SUSD5: variants seen among roughly 807,000 people sequenced by gnomAD.
The protein encoded by SUSD5 is sushi domain-containing protein 5.
Under a neutral mutation model 29.5 loss-of-function variants are expected in SUSD5, and 33 were observed. That is an observed-to-expected ratio of 1.12 (90% confidence interval 0.85 to 1.49). The LOEUF (loss-of-function observed/expected upper bound fraction) is 1.49, where lower values mean the gene tolerates loss of function less well. Ranked by LOEUF, SUSD5 falls within the 40% of genes most tolerant of loss-of-function variation. SUSD5 has a pLI of 0.00. For missense variants in SUSD5, 776 were observed against 800.6 expected (o/e 0.97, Z 0.37); for synonymous variants, 308 against 325.3 (o/e 0.95, Z 0.57).
chr3:33,167,000 G>A (rs1403304920), intron 4 of SUSD5, among the ~76,000 whole-genome samples: 3 of 152,034 alleles, frequency 2.0e-5, no homozygotes, highest in Non-Finnish European at 2.9e-5. Flanking sequence ...CCAACATGGC[G>A]AAACCCTGTC....
At chr3:33,162,454 AAAAC>A (rs2125615853) in intron 4 of SUSD5, among the ~76,000 whole-genome samples, 1 of 152,316 alleles carries the variant, frequency 6.6e-6, no homozygotes, top group South Asian at 2.1e-4. Context: ...AAATAAATAA[AAAAC>A]AAACACACAA....
At chr3:33,172,524 A>G (rs1040231976) in intron 4 of SUSD5, among the ~76,000 whole-genome samples, 1 of 152,206 alleles carries the variant, frequency 6.6e-6, no homozygotes, top group African/African-American at 2.4e-5. Context: ...TCAAGGCGAC[A>G]TATTGGACCA....
chr3:33,154,913 AAAGTTTATGGAAATGCAATGGATGG>A (rs1262892439), intron 4 of SUSD5, among the ~76,000 whole-genome samples: 1 of 152,248 alleles, frequency 6.6e-6, no homozygotes, highest in Admixed American at 6.5e-5. Flanking sequence ...ACTGAATGTT[AAAGTTTATGGAAATGCAATGGATGG>A]AAGTTTATGG....
intron 3 of SUSD5, 138 bp from the exon 4 acceptor site, chr3:33,175,212 C>G (rs1575533140): frequency 1.1e-6 from 1 of 906,918 alleles, no homozygotes; most frequent in East Asian, 2.7e-5. Context: ...GTTTCTTGGT[C>G]ACCCTGGCAA....
chr3:33,150,858 A>G lies in SUSD5; in HGVS notation c.*1884T>C, dbSNP rs777154528. 6.6e-6 allele frequency: 1 copy of G among 152,222 alleles called. No individual in the cohort carries two copies. Among genetic ancestry groups the G allele is most frequent in the Non-Finnish European group, 1.5e-5 (1 of 68,036 alleles). The allele number at this position is 152,222 out of a possible 1,614,324, so 9.4% of individuals were successfully genotyped here. A position where few individuals can be genotyped will look rare whatever the true frequency, so the allele number is the denominator to read the frequency against. On this transcript the variant is annotated 3_prime_UTR_variant, in exon 5 of 5. Transcript: ENST00000309558. ...ATCAGGATTTCCCTCTACCACACAA[A>G]AACACTTAGACTGCTATGGTGTCTC...
At chr3:33,193,750 T>A (rs2031942916) in intron 3 of SUSD5, among the ~76,000 whole-genome samples, 2 of 152,188 alleles carry the variant, frequency 1.3e-5, no homozygotes, top group South Asian at 4.1e-4. Context: ...AAATCTGATC[T>A]AACCGACTCC....
intron 3 of SUSD5, among the ~76,000 whole-genome samples, chr3:33,196,981 G>C (rs2032008062): frequency 1.3e-5 from 2 of 152,130 alleles, no homozygotes; most frequent in Non-Finnish European, 2.9e-5. Flanking sequence ...GTAAAATTTG[G>C]ATAATAGTAA....
chr3:33,174,218 C>T (rs952505194), intron 4 of SUSD5, among the ~76,000 whole-genome samples: 1 of 152,158 alleles, frequency 6.6e-6, no homozygotes, highest in African/African-American at 2.4e-5. Context: ...GGGAATAGCC[C>T]TTGCAGCAGT....
At chr3:33,209,848 C>T (rs772149038) in intron 2 of SUSD5, among the ~76,000 whole-genome samples, 1 of 152,036 alleles carries the variant, frequency 6.6e-6, no homozygotes, top group African/African-American at 2.4e-5. Flanking sequence ...TTAGGTCTAT[C>T]CATTAAGTTC....
intron 2 of SUSD5, among the ~76,000 whole-genome samples, chr3:33,212,108 A>G (rs1416444442): frequency 6.6e-6 from 1 of 152,206 alleles, no homozygotes; most frequent in African/African-American, 2.4e-5. Flanking sequence ...TGTTCCCAGC[A>G]AAAAATAAAT....
chr3:33,206,026 G>C (rs990156522), intron 3 of SUSD5, among the ~76,000 whole-genome samples: 2 of 152,022 alleles, frequency 1.3e-5, no homozygotes, highest in Non-Finnish European at 2.9e-5. Context: ...TTTTCTTCTG[G>C]CTCTGTCCTG....
rs369555921 is a variant in SUSD5 at position 33,152,847 on chromosome 3, C to G, written c.1785G>C (p.Val595=). 5 of 1,613,912 alleles carry G rather than the reference C, an allele frequency of 3.1e-6. No individual in the cohort carries two copies. The highest frequency in any genetic ancestry group is 2.2e-5 in the South Asian group (2 of 91,088). The change falls in exon 5 of 5, where the codon GTG becomes GTC. Residue 595 remains valine (V), a synonymous_variant. Transcript: ENST00000309558. The stretch of plus-strand genomic sequence containing the variant: ...TGTGCTGGCACTTGCGGTAGCCCCA[C>G]ACCATCCCCACACCTGCCAGGAGCA... ...LLLLLAGVGM[V]WGYRKCQHKS...
rs1403001029 is a variant in SUSD5, at chr3:33,152,635, AATG to A, written c.*104_*106del. 3.8e-5 allele frequency: 48 copies of A among 1,267,856 alleles called. No individual in the cohort carries two copies. Among genetic ancestry groups the A allele is most frequent in the Non-Finnish European group, 4.7e-5 (44 of 930,766 alleles). 78.5% of individuals were successfully genotyped at this position (1,267,856 alleles called of 1,614,324 possible). A position where few individuals can be genotyped will look rare whatever the true frequency, so the allele number is the denominator to read the frequency against. ...CTATAAAACAAAGGGCTGAGGAAAAAATGATGAGCCTCAGTCCACCTGCGTCAT... is the reference window on the plus strand; with the variant it reads ...CTATAAAACAAAGGGCTGAGGAAAAAATGAGCCTCAGTCCACCTGCGTCAT... On this transcript the variant is annotated 3_prime_UTR_variant, in exon 5 of 5. Transcript: ENST00000309558.
At chr3:33,177,794 T>G (rs1415962538) in intron 3 of SUSD5, among the ~76,000 whole-genome samples, 5 of 152,210 alleles carry the variant, frequency 3.3e-5, no homozygotes, top group Non-Finnish European at 5.9e-5. Flanking sequence ...TTTAAAAAAA[T>G]TATACTTTAA....
At chr3:33,162,948 C>G (rs919360409) in intron 4 of SUSD5, among the ~76,000 whole-genome samples, 2 of 145,964 alleles carry the variant, frequency 1.4e-5, no homozygotes, top group Admixed American at 6.8e-5. Context: ...GTCCAGGAAA[C>G]TAAAAATTCT....
intron 4 of SUSD5, among the ~76,000 whole-genome samples, chr3:33,166,554 C>T (rs575864197): frequency 1.1e-3 from 161 of 152,274 alleles, no homozygotes; most frequent in African/African-American, 3.0e-3. Flanking sequence ...ACCCTGCTCT[C>T]GCCACACAGC....
chr3:33,195,116 A>G (rs557576959), intron 3 of SUSD5, among the ~76,000 whole-genome samples: 79 of 152,032 alleles, frequency 5.2e-4, no homozygotes, highest in Non-Finnish European at 9.1e-4. Flanking sequence ...AATCGCTTGA[A>G]CCCAGGAGGC....
intron 2 of SUSD5, among the ~76,000 whole-genome samples, chr3:33,209,630 TTTTC>T (rs574143779): frequency 2.1e-3 from 313 of 151,662 alleles, no homozygotes; most frequent in Non-Finnish European, 3.8e-3. Flanking sequence ...CTTCCTTTTC[TTTTC>T]TTTCTCTCTC....
chr3:33,213,958 G>T lies in SUSD5; in HGVS notation c.260C>A (p.Thr87Asn). The change falls in exon 2 of 5, where the codon ACC (threonine) becomes AAC (asparagine). Residue 87 changes from threonine (T) to asparagine (N), a missense_variant. Transcript: ENST00000309558. Reference protein sequence around the residue: ...VVQDCSFAVCTTGWLADGTLG... With the variant: ...VVQDCSFAVCNTGWLADGTLG... ...AGTACCATCTGCTAGCCAGCCAGTG[G>T]TGCACACCGCAAAGGAGCAATCCTG... is the stretch of plus-strand genomic sequence containing the variant. 6.2e-7 allele frequency: 1 copy of T among 1,609,888 alleles called. No individual in the cohort carries two copies. The highest frequency in any genetic ancestry group is 8.5e-7 in the Non-Finnish European group (1 of 1,177,630).
Sources: allele counts gnomAD v4.1 joint callset (sites outside exome capture counted in the v4.1 genomes callset), GRCh38; gene constraint gnomAD v4.1.1; transcripts MANE v1.5; gene names NCBI Gene and HGNC (gene_info 2026-07-23, HGNC 2026-07-21).